ADAMTSL1: variants seen among roughly 807,000 people sequenced by gnomAD.
ADAMTSL1 encodes the protein ADAMTS like 1.
ADAMTSL1 carries 126 observed loss-of-function variants against 201.8 expected under a neutral mutation model. The ratio of observed to expected loss-of-function variants is 0.62; its 90% CI spans 0.54 to 0.72. ADAMTSL1 has a LOEUF of 0.72. Ranked by LOEUF, ADAMTSL1 falls within the 30% of genes least tolerant of loss-of-function variation. The pLI is 0.00. For synonymous variants in ADAMTSL1, 1,121 were observed against 903.4 expected, an observed-to-expected ratio of 1.24 and a Z score of -4.32; for missense variants, 2,679 against 2,277.8, an observed-to-expected ratio of 1.18 and a Z score of -3.59.
intron 3 of ADAMTSL1, among the ~76,000 whole-genome samples, chr9:18,567,409 C>A (rs543715181): frequency 6.6e-6 from 1 of 151,856 alleles, no homozygotes; most frequent in East Asian, 1.9e-4. Context: ...GAAGTTGCAG[C>A]GAGCCGAGAT....
intron 2 of ADAMTSL1, among the ~76,000 whole-genome samples, chr9:18,419,356 A>T (rs1285605883): frequency 6.6e-6 from 1 of 151,560 alleles, no homozygotes; most frequent in South Asian, 2.1e-4. Context: ...AATCTTAATC[A>T]GAACTATTAA....
At chr9:17,966,901 G>A (rs935305399) in intron 1 of ADAMTSL1, among the ~76,000 whole-genome samples, 1 of 152,166 alleles carries the variant, frequency 6.6e-6, no homozygotes, top group Non-Finnish European at 1.5e-5. Flanking sequence ...TAGTTACCAA[G>A]ATAATGAATT....
intron 2 of ADAMTSL1, among the ~76,000 whole-genome samples, chr9:18,518,654 G>T (rs1019546105): frequency 3.3e-5 from 5 of 152,074 alleles, no homozygotes; most frequent in African/African-American, 1.2e-4. Flanking sequence ...TTTTCCTTTG[G>T]TTAGATACCC....
At chr9:18,108,196 A>ATTTT (rs5896770) in intron 1 of ADAMTSL1, among the ~76,000 whole-genome samples, 68 of 125,546 alleles carry the variant, frequency 5.4e-4, no homozygotes, top group African/African-American at 1.4e-3. Flanking sequence ...AGAGTGTGGA[A>ATTTT]TTTTTTTTTT....
At chr9:18,182,935 A>C (rs1244472070) in intron 2 of ADAMTSL1, among the ~76,000 whole-genome samples, 5 of 152,174 alleles carry the variant, frequency 3.3e-5, no homozygotes, top group African/African-American at 1.2e-4. Flanking sequence ...CTGAAGCTGA[A>C]CCAGCTTAAA....
At chr9:18,206,582 C>G (rs1346528525) in intron 2 of ADAMTSL1, among the ~76,000 whole-genome samples, 1 of 152,060 alleles carries the variant, frequency 6.6e-6, no homozygotes, top group African/African-American at 2.4e-5. Context: ...GAGCAGACTT[C>G]TAGCCCTACA....
chr9:18,269,342 A>G (rs954624600), intron 2 of ADAMTSL1, among the ~76,000 whole-genome samples: 1 of 152,166 alleles, frequency 6.6e-6, no homozygotes, highest in Non-Finnish European at 1.5e-5. Flanking sequence ...ATAAACATGT[A>G]TTACATGAAG....
chr9:17,957,963 G>C (rs1375449680), intron 1 of ADAMTSL1, among the ~76,000 whole-genome samples: 1 of 152,162 alleles, frequency 6.6e-6, no homozygotes, highest in Non-Finnish European at 1.5e-5. Context: ...GAGAGAATAA[G>C]TTTTTGTTGT....
chr9:17,938,731 C>T (rs1403233136), intron 1 of ADAMTSL1, among the ~76,000 whole-genome samples: 1 of 152,124 alleles, frequency 6.6e-6, no homozygotes, highest in Admixed American at 6.6e-5. Flanking sequence ...CTTGGCTTAC[C>T]TTGTCACAGA....
At chr9:18,525,295 T>C (rs1818965601) in intron 2 of ADAMTSL1, among the ~76,000 whole-genome samples, 1 of 152,188 alleles carries the variant, frequency 6.6e-6, no homozygotes, top group Admixed American at 6.5e-5. Flanking sequence ...ATATCCCCTT[T>C]ATCATTTTTT....
chr9:18,747,623 A>G (rs1213162047), intron 15 of ADAMTSL1, among the ~76,000 whole-genome samples: 1 of 152,204 alleles, frequency 6.6e-6, no homozygotes, highest in Non-Finnish European at 1.5e-5. Flanking sequence ...GTGGACAGGA[A>G]TAATGCATTT....
At chr9:18,425,142 C>G (rs2133377384) in intron 2 of ADAMTSL1, among the ~76,000 whole-genome samples, 1 of 152,152 alleles carries the variant, frequency 6.6e-6, no homozygotes, top group East Asian at 1.9e-4. Context: ...CTCTCTCTCT[C>G]TCTCCCCCTC....
intron 2 of ADAMTSL1, among the ~76,000 whole-genome samples, chr9:18,322,922 C>T (rs181826444): frequency 1.7e-4 from 26 of 152,154 alleles, no homozygotes; most frequent in African/African-American, 6.3e-4. Flanking sequence ...AAACAACACA[C>T]CAGGCTAGTT....
chr9:18,846,396 G>A (rs751842700), intron 23 of ADAMTSL1, among the ~76,000 whole-genome samples: 17 of 152,154 alleles, frequency 1.1e-4, no homozygotes, highest in African/African-American at 3.6e-4. Flanking sequence ...GAGAGGGGAC[G>A]AGCGCTTCAG....
chr9:18,316,033 G>T (rs974282027), intron 2 of ADAMTSL1, among the ~76,000 whole-genome samples: 2 of 152,166 alleles, frequency 1.3e-5, no homozygotes, highest in African/African-American at 2.4e-5. Flanking sequence ...GGCGTCGGGG[G>T]AGACATCACA....
chr9:18,558,156 C>T (rs1373319809), intron 3 of ADAMTSL1, among the ~76,000 whole-genome samples: 1 of 152,142 alleles, frequency 6.6e-6, no homozygotes, highest in Non-Finnish European at 1.5e-5. Context: ...CTATCCCTCC[C>T]CTAGTCCTGC....
intron 2 of ADAMTSL1, among the ~76,000 whole-genome samples, chr9:18,301,876 G>A (rs1224273701): frequency 1.3e-5 from 2 of 152,132 alleles, no homozygotes; most frequent in African/African-American, 4.8e-5. Flanking sequence ...AATTGTGTGT[G>A]TACATTATTT....
chr9:17,960,290 T>C (rs1216931233), intron 1 of ADAMTSL1, among the ~76,000 whole-genome samples: 1 of 152,188 alleles, frequency 6.6e-6, no homozygotes, highest in Non-Finnish European at 1.5e-5. Flanking sequence ...TTGCATCTTA[T>C]TGAGCAAAAC....
intron 2 of ADAMTSL1, among the ~76,000 whole-genome samples, chr9:18,394,262 T>G (rs1002259329): frequency 1.3e-5 from 2 of 152,164 alleles, no homozygotes; most frequent in African/African-American, 4.8e-5. Context: ...TCAAGTTGAT[T>G]GTTAAAAATA....
Sources: allele counts gnomAD v4.1 joint callset (sites outside exome capture counted in the v4.1 genomes callset), GRCh38; gene constraint gnomAD v4.1.1; transcripts MANE v1.5; gene names NCBI Gene and HGNC (gene_info 2026-07-23, HGNC 2026-07-21).